GRIP1: variants seen among roughly 807,000 people sequenced by gnomAD.
The protein encoded by GRIP1 is glutamate receptor-interacting protein 1.
A neutral mutation model predicts 129.9 loss-of-function variants in GRIP1; 45 were observed. The observed-to-expected ratio is 0.35, with a 90% CI of 0.27 to 0.44. GRIP1 has a LOEUF of 0.44. GRIP1 is among the 20% of genes least tolerant of loss of function. GRIP1 has a pLI of 1.00. For synonymous variants in GRIP1, 530 were observed against 520.8 expected, an observed-to-expected ratio of 1.02 and a Z score of -0.24; for missense variants, 1,196 against 1,396.8, an observed-to-expected ratio of 0.86 and a Z score of 2.29.
intron 10 of GRIP1, 83 bp downstream of exon 10, chr12:66,456,104 A>T (rs957035973): frequency 1.2e-6 from 1 of 829,758 alleles, no homozygotes; most frequent in Non-Finnish European, 1.8e-6. Context: ...AACAACATCC[A>T]TGAAGCCAAA....
intron 19 of GRIP1, among the ~76,000 whole-genome samples, chr12:66,387,835 G>T (rs543714583): frequency 6.6e-6 from 1 of 152,226 alleles, no homozygotes; most frequent in Non-Finnish European, 1.5e-5. Flanking sequence ...ATACCATTGG[G>T]TTTCTACTCT....
chr12:66,679,262 A>G, upstream of GRIP1: 1 of 580,698 alleles, frequency 1.7e-6, no homozygotes, highest in Admixed American at 3.7e-5. Flanking sequence ...TGAACAGTGC[A>G]TTCTGTTTAA....
At chr12:67,063,748 C>A (rs528304271) in intron 1 of GRIP1, among the ~76,000 whole-genome samples, 5 of 152,256 alleles carry the variant, frequency 3.3e-5, no homozygotes, top group South Asian at 2.1e-4. Flanking sequence ...TTCTCAAATT[C>A]TTTTACTAAT....
At chr12:66,635,695 A>G (rs2031293275) in intron 1 of GRIP1, among the ~76,000 whole-genome samples, 1 of 152,158 alleles carries the variant, frequency 6.6e-6, no homozygotes, top group Non-Finnish European at 1.5e-5. Context: ...AAAAGAAACA[A>G]AGGATTAGTA....
At chr12:66,400,768 C>T (rs1035536600) in intron 16 of GRIP1, among the ~76,000 whole-genome samples, 3 of 152,048 alleles carry the variant, frequency 2.0e-5, no homozygotes, top group Non-Finnish European at 4.4e-5. Context: ...AATACAAAGC[C>T]GACTTTTGAA....
At chr12:66,461,591 C>T (rs1293827919) in intron 9 of GRIP1, among the ~76,000 whole-genome samples, 1 of 152,160 alleles carries the variant, frequency 6.6e-6, no homozygotes, top group Non-Finnish European at 1.5e-5. Context: ...CATTTCTCTA[C>T]TCCAATGTGT....
chr12:66,394,793 T>G (rs749925799), intron 16 of GRIP1, among the ~76,000 whole-genome samples: 1 of 152,240 alleles, frequency 6.6e-6, no homozygotes, highest in Non-Finnish European at 1.5e-5. Context: ...AAGCTTTACA[T>G]GCATGCTAAC....
At chr12:66,478,336 T>C (rs968730418) in intron 7 of GRIP1, among the ~76,000 whole-genome samples, 12 of 152,264 alleles carry the variant, frequency 7.9e-5, no homozygotes, top group African/African-American at 2.6e-4. Flanking sequence ...AGATATCATC[T>C]CACACAAGTT....
At chr12:66,863,305 C>T (rs989267270) in intron 1 of GRIP1, among the ~76,000 whole-genome samples, 8 of 152,096 alleles carry the variant, frequency 5.3e-5, no homozygotes, top group African/African-American at 1.7e-4. Flanking sequence ...GAATATAGAA[C>T]ATTGAAGATA....
intron 1 of GRIP1, among the ~76,000 whole-genome samples, chr12:66,771,338 A>C (rs937768834): frequency 6.6e-6 from 1 of 152,210 alleles, no homozygotes; most frequent in Non-Finnish European, 1.5e-5. Context: ...ACAATGCACC[A>C]TTAAGTCTCA....
intron 1 of GRIP1, among the ~76,000 whole-genome samples, chr12:66,907,408 T>C (rs1180097481): frequency 6.6e-6 from 1 of 152,122 alleles, no homozygotes; most frequent in Non-Finnish European, 1.5e-5. Context: ...ATGTATTTTA[T>C]GAATATTAAA....
At chr12:67,013,904 T>C (rs1036002200) in intron 1 of GRIP1, among the ~76,000 whole-genome samples, 1 of 152,234 alleles carries the variant, frequency 6.6e-6, no homozygotes, top group African/African-American at 2.4e-5. Context: ...GCCTTGGCGA[T>C]TGGTTTAGGA....
intron 1 of GRIP1, among the ~76,000 whole-genome samples, chr12:66,855,042 T>C (rs2039979964): frequency 6.6e-6 from 1 of 151,974 alleles, no homozygotes; most frequent in African/African-American, 2.4e-5. Flanking sequence ...TTATTATTTA[T>C]TTATTTATTT....
intron 5 of GRIP1, among the ~76,000 whole-genome samples, chr12:66,529,479 A>G (rs2061372813): frequency 6.6e-6 from 1 of 152,262 alleles, no homozygotes; most frequent in East Asian, 1.9e-4. Flanking sequence ...AATTAATGGA[A>G]TTTGCAGCAA....
Position 66,657,732 on chromosome 12 carries a change from A to G in GRIP1, c.55+21118T>C, listed in dbSNP as rs1199736882. Among the ~76,000 whole-genome samples, 8 of 152,156 alleles carry G rather than the reference A, an allele frequency of 5.3e-5. No homozygotes were observed. In the East Asian group the frequency reaches 1.3e-3, roughly 26 times the overall value. ...CCCTGACGGGTTTCCTTTCCACTGCATTTTAAAGCTATTCCCGCATATCTA... is the reference window on the plus strand; with the variant it reads ...CCCTGACGGGTTTCCTTTCCACTGCGTTTTAAAGCTATTCCCGCATATCTA... On this transcript the variant is annotated intron_variant, in intron 1 of 24. Coordinates refer to ENST00000359742, the MANE Select transcript of GRIP1 (RefSeq NM_001366722.1).
chr12:66,381,709 T>C (rs2056117517), intron 19 of GRIP1, among the ~76,000 whole-genome samples: 1 of 152,224 alleles, frequency 6.6e-6, no homozygotes, highest in African/African-American at 2.4e-5. Flanking sequence ...AGTGCAAGAA[T>C]GGGCTTGAGC....
chr12:66,353,747 T>C (rs1186949553), intron 23 of GRIP1, among the ~76,000 whole-genome samples, 184 bp from the exon 24 acceptor site: 1 of 152,196 alleles, frequency 6.6e-6, no homozygotes, highest in Non-Finnish European at 1.5e-5. Context: ...CTTTGGACTT[T>C]ATGAATTCCC....
intron 1 of GRIP1, among the ~76,000 whole-genome samples, chr12:66,859,660 G>C (rs1020082312): frequency 2.6e-5 from 4 of 151,990 alleles, no homozygotes; most frequent in African/African-American, 9.7e-5. Flanking sequence ...AAAACAAGCA[G>C]TATCATATAA....
chr12:66,999,896 A>G (rs1252403324), intron 1 of GRIP1, among the ~76,000 whole-genome samples: 1 of 152,058 alleles, frequency 6.6e-6, no homozygotes, highest in African/African-American at 2.4e-5. Flanking sequence ...TTTGTCTTAC[A>G]CCTTCCTGCA....
Sources: allele counts gnomAD v4.1 joint callset (sites outside exome capture counted in the v4.1 genomes callset), GRCh38; gene constraint gnomAD v4.1.1; transcripts MANE v1.5; gene names NCBI Gene and HGNC (gene_info 2026-07-23, HGNC 2026-07-21).